DENND2A: variants seen among roughly 807,000 people sequenced by gnomAD.
DENND2A encodes the protein DENN domain containing 2A.
DENND2A carries 53 observed loss-of-function variants against 105.3 expected under a neutral mutation model. That is an observed-to-expected ratio of 0.50 (90% CI 0.40 to 0.63). The LOEUF (loss-of-function observed/expected upper bound fraction) is 0.63. Ranked by LOEUF, DENND2A falls within the 30% of genes least tolerant of loss-of-function variation. The pLI is 0.00. For synonymous variants in DENND2A, 522 were observed against 508.4 expected (o/e 1.03, Z -0.36); for missense variants, 1,138 against 1,279.6 (o/e 0.89, Z 1.69).
intron 19 of DENND2A, among the ~76,000 whole-genome samples, 171 bp from the exon 20 acceptor site, chr7:140,518,909 C>A (rs1476733922): frequency 6.6e-6 from 1 of 152,150 alleles, no homozygotes; most frequent in African/African-American, 2.4e-5. Context: ...CCAGAGATCC[C>A]CGTGGGGTCT....
At position 140,567,860 on chromosome 7, in the gene DENND2A, C is replaced by T. The variant is rs533235180; in HGVS notation, c.1592-587G>A. The stretch of plus-strand genomic sequence containing the variant: ...GCCTTGCTTCATTCTAGAGGTGAGT[C>T]CGGGAGCAGCTGGGTGTCAGAGGTG... On this transcript the variant is annotated intron_variant, in intron 8 of 19. Coordinates refer to ENST00000496613, the MANE Select transcript of DENND2A (RefSeq NM_015689.5). Among the ~76,000 whole-genome samples, 137 of 152,288 alleles carry T rather than the reference C, an allele frequency of 9.0e-4. 1 individual carries two copies. The highest frequency in any genetic ancestry group is 3.5e-3 in the Admixed American group (53 of 15,284).
rs1795940640 is a variant in DENND2A, at chr7:140,523,599, CAG to C, written c.2548-177_2548-176del. Among the ~76,000 whole-genome samples, 1 of 151,856 alleles carries C rather than the reference CAG, an allele frequency of 6.6e-6. No individual in the cohort carries two copies. Among genetic ancestry groups the C allele is most frequent in the Non-Finnish European group, 1.5e-5 (1 of 67,956 alleles). ...CTTGAGCCTACTTTTTTTTTTGAGA[CAG>C]AGTTTCACTCTTGTCGCATAGTCTG... On this transcript the variant is annotated intron_variant, in intron 16 of 19. Transcript: ENST00000496613. This position sits in a 1 kb window ranked among gnomAD's most constrained non-coding sequence, Gnocchi z 4.5.
chr7:140,579,879 CCAA>C, intron 5 of DENND2A, among the ~76,000 whole-genome samples: 1 of 152,130 alleles, frequency 6.6e-6, no homozygotes, highest in Admixed American at 6.6e-5. Context: ...CGCCTGTAAT[CCAA>C]GCACTTTGGG....
intron 3 of DENND2A, among the ~76,000 whole-genome samples, chr7:140,591,045 C>T (rs1798995084): frequency 6.6e-6 from 1 of 152,076 alleles, no homozygotes; most frequent in Non-Finnish European, 1.5e-5. Flanking sequence ...CACCTATAAT[C>T]CTAGCACTTT....
At chr7:140,593,374 T>C (rs2130666357) in intron 3 of DENND2A, among the ~76,000 whole-genome samples, 1 of 152,346 alleles carries the variant, frequency 6.6e-6, no homozygotes, top group Non-Finnish European at 1.5e-5. Flanking sequence ...GCTTCTGAGT[T>C]TCAGAGATGC....
At position 140,583,652 on chromosome 7, in the gene DENND2A, G is replaced by A. The variant is rs559954993; in HGVS notation, c.1245+1937C>T. Among the ~76,000 whole-genome samples the A allele has an allele frequency of 3.1e-4, 46 of 150,466 alleles. 3 individuals carry two copies. Among genetic ancestry groups the A allele is most frequent in the East Asian group, 2.5e-3 (13 of 5,182 alleles). On this transcript the variant is annotated intron_variant, in intron 5 of 19. Coordinates refer to ENST00000496613, the MANE Select transcript of DENND2A (RefSeq NM_015689.5). ...AATCATATAAAAGTCAAATTTCGCC[G>A]GGCGCGGTGGCTCACGCCTGCAACC...
chr7:140,530,041 T>C (rs1335014510), intron 14 of DENND2A, among the ~76,000 whole-genome samples: 1 of 147,622 alleles, frequency 6.8e-6, no homozygotes, highest in South Asian at 2.1e-4. Flanking sequence ...CTGGGCAACA[T>C]GGTGGGGCCC....
chr7:140,613,583 G>A lies in DENND2A; in HGVS notation c.-247-7777C>T, dbSNP rs1246557688. ...ACTGCACTCTAGCCTGGGCAACACA[G>A]CAAGATCCCACCTCCTAAAAAATAG... is the stretch of plus-strand genomic sequence containing the variant. On this transcript the variant is annotated intron_variant, in intron 1 of 19. Transcript: ENST00000496613. 4.0e-5 allele frequency among the ~76,000 whole-genome samples: 6 copies of A among 148,700 alleles called. No homozygotes were observed. In the East Asian group the frequency reaches 1.2e-3, roughly 29 times the overall value.
In DENND2A at chr7:140,555,673, A is replaced by G; in HGVS notation, c.2000T>C (p.Ile667Thr). The change falls in exon 12 of 20, where the codon ATT (isoleucine) becomes ACT (threonine). Residue 667 changes from isoleucine (I) to threonine (T), a missense_variant. Ile to Thr is a moderately conservative substitution (Grantham distance 89). Transcript: ENST00000496613. ...KGKRLPEVYC[I>T]VSRLGCFSLF... ...GCTGAAGCATCCCAGGCGGCTCACA[A>G]TGCAGTAAACTTCAGGAAGGCGCTT... 3.1e-6 allele frequency: 5 copies of G among 1,609,072 alleles called. No homozygotes were observed. The highest frequency in any genetic ancestry group is 4.2e-6 in the Non-Finnish European group (5 of 1,178,676).
intron 5 of DENND2A, among the ~76,000 whole-genome samples, chr7:140,575,505 CA>C (rs1433847933): frequency 1.3e-5 from 2 of 151,744 alleles, no homozygotes; most frequent in African/African-American, 2.4e-5. Context: ...CTTATTTGTG[CA>C]ATGTTATTTT....
chr7:140,592,686 G>A (rs1203880132), intron 3 of DENND2A, among the ~76,000 whole-genome samples: 3 of 150,358 alleles, frequency 2.0e-5, no homozygotes, highest in African/African-American at 7.4e-5. Flanking sequence ...TGCAACCTCC[G>A]CCTCCAGGGT....
At chr7:140,639,521 T>G (rs991499291) in intron 1 of DENND2A, among the ~76,000 whole-genome samples, 1 of 152,106 alleles carries the variant, frequency 6.6e-6, no homozygotes, top group Admixed American at 6.5e-5. Context: ...CCACCCAGAC[T>G]TTCTACTCCA....
At chr7:140,547,003 C>A in intron 12 of DENND2A, 64 bp from the exon 13 acceptor site, 1 of 1,562,916 alleles carries the variant, frequency 6.4e-7, no homozygotes, top group South Asian at 1.2e-5. Context: ...GAGCTCAGTT[C>A]TAGGTGAAGT....
chr7:140,544,554 A>G, intron 14 of DENND2A, 64 bp downstream of exon 14: 2 of 1,605,412 alleles, frequency 1.2e-6, no homozygotes, highest in South Asian at 1.1e-5. Context: ...CCTGCTCTAC[A>G]GACTAGAGGG....
At chr7:140,637,377 G>T (rs1800986720) in intron 1 of DENND2A, among the ~76,000 whole-genome samples, 1 of 152,210 alleles carries the variant, frequency 6.6e-6, no homozygotes, top group Non-Finnish European at 1.5e-5. Flanking sequence ...GCAATGTATG[G>T]ACATAGATTC....
At chr7:140,583,092 C>T (rs1441582506) in intron 5 of DENND2A, among the ~76,000 whole-genome samples, 1 of 151,430 alleles carries the variant, frequency 6.6e-6, no homozygotes, top group Non-Finnish European at 1.5e-5. Flanking sequence ...GAGATCGAGA[C>T]CATCCTGGCT....
intron 1 of DENND2A, among the ~76,000 whole-genome samples, chr7:140,619,197 A>G (rs1273914909): frequency 1.3e-5 from 2 of 152,384 alleles, no homozygotes; most frequent in East Asian, 3.8e-4. Flanking sequence ...TATAATATTG[A>G]AAAGTTAAAA....
intron 14 of DENND2A, among the ~76,000 whole-genome samples, chr7:140,540,718 T>C (rs2130509237): frequency 6.6e-6 from 1 of 150,938 alleles, no homozygotes; most frequent in East Asian, 1.9e-4. Context: ...CCAGGTTTCT[T>C]TCTTTCTTTT....
chr7:140,560,806 C>G (rs1585634250), intron 9 of DENND2A, among the ~76,000 whole-genome samples: 1 of 151,878 alleles, frequency 6.6e-6, no homozygotes, highest in African/African-American at 2.4e-5. Context: ...TGGTGGCCGG[C>G]ACCTGTAGTC....
Sources: gnomAD v4.1 joint callset for allele counts (sites outside exome capture counted in the v4.1 genomes callset) on GRCh38, gnomAD v4.1.1 for gene constraint, Gnocchi (gnomAD v3.1) non-coding constraint, MANE v1.5 for transcripts, NCBI Gene and HGNC (gene_info 2026-07-23, HGNC 2026-07-21) for gene names.